The following RBFOX1 variants were observed in gnomAD, a reference collection of about 807,000 sequenced individuals.
The protein encoded by RBFOX1 is RNA binding fox-1 homolog 1.
RBFOX1 carries 8 observed loss-of-function variants against 57.7 expected under a neutral mutation model. That is an observed-to-expected ratio of 0.14 (90% confidence interval 0.08 to 0.25). The LOEUF is 0.25. RBFOX1 is among the 10% of genes least tolerant of loss of function. The probability of loss-of-function intolerance (pLI) is 1.00; values close to 1 mark genes in which losing one functional copy is unlikely to be tolerated. For synonymous variants in RBFOX1, 326 were observed against 222.4 expected (o/e 1.47, Z -4.15); for missense variants, 611 against 548.5 (o/e 1.11, Z -1.14).
At chr16:5,908,125 TATATATATACACATATATACAC>T (rs1567133551) in intron 4 of RBFOX1, among the ~76,000 whole-genome samples, 5 of 111,154 alleles carry the variant, frequency 4.5e-5, no homozygotes, top group Non-Finnish European at 7.3e-5. Context: ...TATATACACA[TATATATATACACATATATACAC>T]ATATATACAC....
intron 3 of RBFOX1, among the ~76,000 whole-genome samples, chr16:5,800,936 T>C (rs1163104414): frequency 6.6e-6 from 1 of 152,172 alleles, no homozygotes; most frequent in African/African-American, 2.4e-5. Context: ...GGAATCTGCC[T>C]TCTTGTCCCT....
At chr16:6,076,706 G>C (rs1215783549) in intron 1 of RBFOX1, among the ~76,000 whole-genome samples, 1 of 152,142 alleles carries the variant, frequency 6.6e-6, no homozygotes, top group Non-Finnish European at 1.5e-5. Flanking sequence ...CAAAGACACA[G>C]AGTCCAATGT....
intron 1 of RBFOX1, among the ~76,000 whole-genome samples, chr16:5,440,937 A>G (rs2045231857): frequency 6.6e-6 from 1 of 152,214 alleles, no homozygotes; most frequent in African/African-American, 2.4e-5. Flanking sequence ...TATGTTTTCC[A>G]GACTCACTTT....
intron 15 of RBFOX1, chr16:7,709,925 C>T (rs918913229): frequency 9.6e-7 from 1 of 1,040,674 alleles, no homozygotes; most frequent in Non-Finnish European, 1.2e-6. Context: ...TCAAGAATAT[C>T]AGTCCTTACC....
At chr16:5,567,378 C>G (rs2046109635) in intron 2 of RBFOX1, among the ~76,000 whole-genome samples, 1 of 152,118 alleles carries the variant, frequency 6.6e-6, no homozygotes, top group Admixed American at 6.5e-5. Context: ...ATGTTCCAAG[C>G]TCACTCTTAA....
intron 4 of RBFOX1, among the ~76,000 whole-genome samples, chr16:7,088,743 T>C (rs996437160): frequency 6.6e-6 from 1 of 152,216 alleles, no homozygotes; most frequent in Non-Finnish European, 1.5e-5. Context: ...TGTGAATTTC[T>C]TATGCCAGTA....
At chr16:5,894,390 C>G (rs779121799) in intron 4 of RBFOX1, among the ~76,000 whole-genome samples, 5 of 152,144 alleles carry the variant, frequency 3.3e-5, no homozygotes, top group Non-Finnish European at 7.3e-5. Flanking sequence ...TCCAGTGATT[C>G]TCTTGCCTCA....
At chr16:5,867,017 C>T (rs2151896270) in intron 3 of RBFOX1, among the ~76,000 whole-genome samples, 1 of 152,282 alleles carries the variant, frequency 6.6e-6, no homozygotes, top group Middle Eastern at 3.4e-3. Flanking sequence ...ATGGACATTG[C>T]TCACAGCCCT....
chr16:5,618,339 T>TG (rs1350047273), intron 3 of RBFOX1, among the ~76,000 whole-genome samples: 9 of 151,808 alleles, frequency 5.9e-5, no homozygotes, highest in African/African-American at 2.2e-4. Flanking sequence ...ATTTTTTTTT[T>TG]TTGTGTGTGT....
At chr16:6,639,530 C>G (rs575445050) in intron 2 of RBFOX1, among the ~76,000 whole-genome samples, 15 of 152,190 alleles carry the variant, frequency 9.9e-5, no homozygotes, top group African/African-American at 3.6e-4. Flanking sequence ...AGAACAATAA[C>G]TATGATAAAA....
intron 4 of RBFOX1, among the ~76,000 whole-genome samples, chr16:7,285,075 C>CTTTTTTTTT (rs58959488): frequency 4.7e-5 from 2 of 42,732 alleles, no homozygotes; most frequent in Non-Finnish European, 4.8e-5. Flanking sequence ...AGATTCCTTA[C>CTTTTTTTTT]TTTTTTTTTT....
chr16:7,642,903 T>C (rs2063082398), intron 11 of RBFOX1, among the ~76,000 whole-genome samples: 1 of 152,224 alleles, frequency 6.6e-6, no homozygotes, highest in African/African-American at 2.4e-5. Context: ...CTCATTCTCA[T>C]TTTGCCGAAT....
chr16:5,519,962 T>A (rs2043947716), intron 2 of RBFOX1, among the ~76,000 whole-genome samples: 2 of 152,248 alleles, frequency 1.3e-5, no homozygotes, highest in Admixed American at 6.5e-5. Context: ...AAGGCAGATA[T>A]ATCTCCTGCC....
intron 1 of RBFOX1, among the ~76,000 whole-genome samples, chr16:6,036,950 A>G (rs1261222626): frequency 6.6e-6 from 1 of 152,158 alleles, no homozygotes; most frequent in Non-Finnish European, 1.5e-5. Flanking sequence ...AAAGGATACT[A>G]CAGCCCAACC....
intron 2 of RBFOX1, among the ~76,000 whole-genome samples, chr16:6,583,486 T>C (rs566739729): frequency 2.0e-5 from 3 of 152,364 alleles, no homozygotes; most frequent in East Asian, 3.9e-4. Context: ...GCTTAGTCAA[T>C]GGAGGAAATA....
At chr16:7,359,370 A>T (rs546489801) in intron 4 of RBFOX1, among the ~76,000 whole-genome samples, 1 of 150,084 alleles carries the variant, frequency 6.7e-6, no homozygotes, top group African/African-American at 2.5e-5. Flanking sequence ...TTGTGTGTAT[A>T]TCTGTGTATA....
At chr16:7,241,642 T>A (rs553248540) in intron 4 of RBFOX1, among the ~76,000 whole-genome samples, 6 of 152,154 alleles carry the variant, frequency 3.9e-5, no homozygotes, top group Non-Finnish European at 5.9e-5. Context: ...TTCTTCTTTA[T>A]GTTGGTCATA....
At chr16:6,867,093 A>G (rs1299761714) in intron 3 of RBFOX1, among the ~76,000 whole-genome samples, 1 of 152,148 alleles carries the variant, frequency 6.6e-6, no homozygotes, top group Non-Finnish European at 1.5e-5. Flanking sequence ...AACCAGCAAG[A>G]ACACTTCCAG....
intron 2 of RBFOX1, among the ~76,000 whole-genome samples, chr16:6,650,868 A>G (rs116991420): frequency 1.8e-3 from 276 of 152,226 alleles, no homozygotes; most frequent in African/African-American, 5.9e-3. Context: ...CTTAACCACA[A>G]TGGAGTCCCT....
Sources: gnomAD v4.1 joint callset for allele counts (sites outside exome capture counted in the v4.1 genomes callset) on GRCh38, gnomAD v4.1.1 for gene constraint, MANE v1.5 for transcripts, NCBI Gene and HGNC (gene_info 2026-07-23, HGNC 2026-07-21) for gene names.